FARS2: variants seen among roughly 807,000 people sequenced by gnomAD.
FARS2 encodes the protein phenylalanine--tRNA ligase, mitochondrial.
Under a neutral mutation model 46.4 loss-of-function variants are expected in FARS2, and 40 were observed. That is an observed-to-expected ratio of 0.86 (90% CI 0.67 to 1.12). The LOEUF (loss-of-function observed/expected upper bound fraction) is 1.12, where lower values mean the gene tolerates loss of function less well. Among genes scored for constraint, FARS2 ranks in the 50% most tolerant of loss-of-function variants. The pLI, the probability that FARS2 is intolerant of heterozygous loss-of-function variation, is 0.00. For missense variants in FARS2, 513 were observed against 567.9 expected (o/e 0.90, Z 0.98); for synonymous variants, 234 against 214.9 (o/e 1.09, Z -0.78).
intron 1 of FARS2, among the ~76,000 whole-genome samples, chr6:5,344,243 T>C (rs1401876850): frequency 6.6e-6 from 1 of 152,186 alleles, no homozygotes; most frequent in African/African-American, 2.4e-5. Context: ...TGGGCGTATC[T>C]GCTTGCTAAT....
Position 5,547,819 on chromosome 6 carries a change from C to T in FARS2, c.1065+2479C>T, listed in dbSNP as rs185198496. Among the ~76,000 whole-genome samples, 34 of 152,346 alleles carry T rather than the reference C, an allele frequency of 2.2e-4. No individual in the cohort carries two copies. In the East Asian group the frequency reaches 5.0e-3, roughly 22 times the overall value. On this transcript the variant is annotated intron_variant, in intron 5 of 6. Coordinates refer to ENST00000274680, the MANE Select transcript of FARS2 (RefSeq NM_006567.5). ...GCAGGCTAGCTCTTCTGCCTACTCA[C>T]GCCCCAGTGGCGACAGCAGCCATCA... is the stretch of plus-strand genomic sequence containing the variant.
At chr6:5,396,311 T>G (rs1271577460) in intron 2 of FARS2, among the ~76,000 whole-genome samples, 4 of 152,230 alleles carry the variant, frequency 2.6e-5, no homozygotes, top group African/African-American at 4.8e-5. Flanking sequence ...AGAGTTGTGT[T>G]TAATTTCACC....
chr6:5,341,463 C>T (rs1419536041), intron 1 of FARS2, among the ~76,000 whole-genome samples: 1 of 150,212 alleles, frequency 6.7e-6, no homozygotes, highest in Non-Finnish European at 1.5e-5. Flanking sequence ...TTCTGTTTCC[C>T]TACTTGGGAC....
rs2038029 is a variant in FARS2, at chr6:5,524,578, A to G, written c.905-20602A>G. 7.8e-3 allele frequency among the ~76,000 whole-genome samples: 1,185 copies of G among 152,366 alleles called. 12 individuals are homozygous for G. The highest frequency in any genetic ancestry group is 0.027 in the African/African-American group (1,108 of 41,586). The stretch of plus-strand genomic sequence containing the variant: ...ACAGAGCTGTCTGATGATAATACTT[A>G]CAAGTACCTTTGTAATCCTTCCTTT... On this transcript the variant is annotated intron_variant, in intron 4 of 6. Coordinates refer to ENST00000274680, the MANE Select transcript of FARS2 (RefSeq NM_006567.5).
At position 5,369,189 on chromosome 6, in the gene FARS2, C is replaced by T; in HGVS notation, c.612+7C>T. On this transcript the variant is annotated splice_region_variant and intron_variant, in intron 2 of 6. Coordinates refer to ENST00000274680, the MANE Select transcript of FARS2 (RefSeq NM_006567.5). ...GCTCTTCTCCAAGCATGAGGTGAGT[C>T]TTGAGATGTTTCTCATCGCTGAAGG... The T allele has an allele frequency of 1.2e-6, 2 of 1,601,268 alleles. No individual in the cohort carries two copies. Among genetic ancestry groups the T allele is most frequent in the Non-Finnish European group, 1.7e-6 (2 of 1,177,886 alleles).
rs751041525 is a variant in FARS2, at chr6:5,771,441, C to T, written c.*12C>T. The T allele has an allele frequency of 6.2e-6, 10 of 1,608,954 alleles. No homozygotes were observed. Among genetic ancestry groups the T allele is most frequent in the Non-Finnish European group, 7.6e-6 (9 of 1,178,284 alleles). On this transcript the variant is annotated 3_prime_UTR_variant, in exon 7 of 7. Transcript: ENST00000274680. ...AGGGCAGGTTCTGATGTCACCACTT[C>T]ACTCAGGCTGCAGCCCTCTTGGGGC...
Position 5,547,076 on chromosome 6 carries a change from C to T in FARS2, c.1065+1736C>T, listed in dbSNP as rs560271219. Among the ~76,000 whole-genome samples the T allele has an allele frequency of 2.6e-3, 389 of 152,098 alleles. 2 individuals carry two copies. The highest frequency in any genetic ancestry group is 8.6e-3 in the African/African-American group (358 of 41,492). ...AAGCAATTCTCCCACCTCAGCCTCC[C>T]GAGTAGCTGGGATTACAGGCATACA... On this transcript the variant is annotated intron_variant, in intron 5 of 6. Coordinates refer to ENST00000274680, the MANE Select transcript of FARS2 (RefSeq NM_006567.5).
intron 2 of FARS2, among the ~76,000 whole-genome samples, chr6:5,381,423 A>G (rs544823042): frequency 6.6e-6 from 1 of 151,528 alleles, no homozygotes; most frequent in East Asian, 1.9e-4. Context: ...ACACACACAG[A>G]TGCAGAATTT....
chr6:5,463,288 AT>A (rs1765345902), intron 4 of FARS2, among the ~76,000 whole-genome samples: 1 of 152,220 alleles, frequency 6.6e-6, no homozygotes, highest in South Asian at 2.1e-4. Context: ...TATAAATATG[AT>A]TGATTTTCAT....
At chr6:5,673,486 T>C (rs1778588734) in intron 6 of FARS2, among the ~76,000 whole-genome samples, 1 of 152,198 alleles carries the variant, frequency 6.6e-6, no homozygotes, top group Non-Finnish European at 1.5e-5. Flanking sequence ...TTAGCAAGGA[T>C]ACGATTACAA....
At chr6:5,532,780 TAATAAGAAGAAG>T (rs1232216405) in intron 4 of FARS2, among the ~76,000 whole-genome samples, 89 of 146,514 alleles carry the variant, frequency 6.1e-4, no homozygotes, top group African/African-American at 2.2e-3. Flanking sequence ...ATAATAATAA[TAATAAGAAGAAG>T]AAGAAGAAGA....
At chr6:5,607,769 G>GACTGAGGA (rs1212085176) in intron 5 of FARS2, among the ~76,000 whole-genome samples, 4 of 152,082 alleles carry the variant, frequency 2.6e-5, no homozygotes, top group African/African-American at 9.7e-5. Flanking sequence ...CATTCCCTGG[G>GACTGAGGA]ACTGAGGAGG....
intron 6 of FARS2, among the ~76,000 whole-genome samples, chr6:5,647,671 C>T (rs981104968): frequency 6.6e-6 from 1 of 152,174 alleles, no homozygotes; most frequent in African/African-American, 2.4e-5. Flanking sequence ...AAGCACCACA[C>T]CTTGAAATCA....
chr6:5,743,503 C>T (rs554005784), intron 6 of FARS2, among the ~76,000 whole-genome samples: 1 of 152,232 alleles, frequency 6.6e-6, no homozygotes, highest in Non-Finnish European at 1.5e-5. Flanking sequence ...CTGTATAGAA[C>T]AGCTTGAATA....
chr6:5,555,136 C>CTG (rs2150523412), intron 5 of FARS2, among the ~76,000 whole-genome samples: 1 of 152,216 alleles, frequency 6.6e-6, no homozygotes, highest in Admixed American at 6.5e-5. Flanking sequence ...CTCACGACAT[C>CTG]TGATGGGCTT....
chr6:5,657,404 C>G (rs1332579717), intron 6 of FARS2, among the ~76,000 whole-genome samples: 2 of 152,168 alleles, frequency 1.3e-5, no homozygotes, highest in Admixed American at 1.3e-4. Context: ...ATTGACCAAT[C>G]AAGCTTAGAA....
intron 1 of FARS2, among the ~76,000 whole-genome samples, chr6:5,334,757 C>T (rs1771039995): frequency 6.6e-6 from 1 of 152,064 alleles, no homozygotes; most frequent in Non-Finnish European, 1.5e-5. Flanking sequence ...ATTTTATTCT[C>T]CTCTGTAATA....
At chr6:5,393,446 A>G (rs1760703829) in intron 2 of FARS2, among the ~76,000 whole-genome samples, 1 of 151,950 alleles carries the variant, frequency 6.6e-6, no homozygotes, top group Non-Finnish European at 1.5e-5. Flanking sequence ...CGCGAGGTCA[A>G]GAGATCGAGA....
chr6:5,441,364 A>C (rs1763833946), intron 4 of FARS2, among the ~76,000 whole-genome samples: 1 of 150,308 alleles, frequency 6.7e-6, no homozygotes, highest in Admixed American at 6.6e-5. Flanking sequence ...CAGTTTCTTC[A>C]CTCCTTCCCT....
Sources: gnomAD v4.1 joint callset for allele counts (sites outside exome capture counted in the v4.1 genomes callset) on GRCh38, gnomAD v4.1.1 for gene constraint, MANE v1.5 for transcripts, NCBI Gene and HGNC (gene_info 2026-07-23, HGNC 2026-07-21) for gene names.